Variants in KCNK13 observed in about 807,000 individuals in gnomAD.
The protein encoded by KCNK13 is potassium two pore domain channel subfamily K member 13, also known as potassium channel subfamily K member 13.
A neutral mutation model predicts 23.4 loss-of-function variants in KCNK13; 12 were observed. The observed-to-expected ratio is 0.51, with a 90% CI of 0.33 to 0.83. KCNK13 has a LOEUF of 0.83. Ranked by LOEUF, KCNK13 falls within the 40% of genes least tolerant of loss-of-function variation. KCNK13 has a pLI of 0.02. For missense variants in KCNK13, 463 were observed against 556.3 expected (o/e 0.83, Z 1.69); for synonymous variants, 231 against 229.5 (o/e 1.01, Z -0.06).
chr14:90,107,171 C>T (rs937073247), intron 1 of KCNK13, among the ~76,000 whole-genome samples: 2 of 151,990 alleles, frequency 1.3e-5, no homozygotes, highest in African/African-American at 2.4e-5. Context: ...AGATGGTGCA[C>T]ATTTGGTTAC....
chr14:90,174,826 C>T (rs535795512), intron 1 of KCNK13, among the ~76,000 whole-genome samples: 127 of 151,892 alleles, frequency 8.4e-4, no homozygotes, highest in African/African-American at 3.0e-3. Context: ...TGCACTCCAG[C>T]CTGGGTGACA....
intron 1 of KCNK13, among the ~76,000 whole-genome samples, chr14:90,112,346 T>C (rs965296651): frequency 2.0e-5 from 3 of 152,232 alleles, no homozygotes; most frequent in Non-Finnish European, 4.4e-5. Flanking sequence ...TGCTGGTTCA[T>C]GTGTGAACAC....
chr14:90,076,495 G>A (rs781643216), intron 1 of KCNK13, among the ~76,000 whole-genome samples: 8 of 152,190 alleles, frequency 5.3e-5, no homozygotes, highest in Non-Finnish European at 8.8e-5. Context: ...ACTCATTGGC[G>A]TGAACCATGT....
chr14:90,121,005 A>G (rs1889733044), intron 1 of KCNK13, among the ~76,000 whole-genome samples: 1 of 152,062 alleles, frequency 6.6e-6, no homozygotes, highest in African/African-American at 2.4e-5. Context: ...GCAGTTGTTG[A>G]GGGAGAGATG....
chr14:90,079,214 T>C (rs1044093026), intron 1 of KCNK13, among the ~76,000 whole-genome samples: 1 of 152,100 alleles, frequency 6.6e-6, no homozygotes, highest in East Asian at 1.9e-4. Flanking sequence ...CCTTCCCTTT[T>C]GAGGCACTGT....
At chr14:90,125,081 G>A (rs1241907404) in intron 1 of KCNK13, among the ~76,000 whole-genome samples, 1 of 152,076 alleles carries the variant, frequency 6.6e-6, no homozygotes, top group African/African-American at 2.4e-5. Context: ...GGAAGGAAAA[G>A]GGACGTTTTT....
intron 1 of KCNK13, among the ~76,000 whole-genome samples, chr14:90,099,807 G>A (rs1307996769): frequency 6.6e-6 from 1 of 152,164 alleles, no homozygotes; most frequent in Non-Finnish European, 1.5e-5. Context: ...TGCTCAAGGG[G>A]GAGGGTCCCA....
At chr14:90,073,340 G>A (rs370850862) in intron 1 of KCNK13, among the ~76,000 whole-genome samples, 5 of 152,256 alleles carry the variant, frequency 3.3e-5, no homozygotes, top group Non-Finnish European at 5.9e-5. Flanking sequence ...GCCTCCCACC[G>A]GCAGTCCTCT....
At chr14:90,110,382 G>A (rs1889600909) in intron 1 of KCNK13, among the ~76,000 whole-genome samples, 1 of 151,734 alleles carries the variant, frequency 6.6e-6, no homozygotes, top group Non-Finnish European at 1.5e-5. Flanking sequence ...CGTGGTGGCA[G>A]GCACCTGTAA....
chr14:90,158,966 G>C (rs917380771), intron 1 of KCNK13, among the ~76,000 whole-genome samples: 1 of 152,180 alleles, frequency 6.6e-6, no homozygotes, highest in African/African-American at 2.4e-5. Flanking sequence ...CCATCATACT[G>C]TCTTAGTCCG....
intron 1 of KCNK13, among the ~76,000 whole-genome samples, chr14:90,084,653 C>T (rs4900020): frequency 0.14 from 20,742 of 152,174 alleles, 1,714 homozygotes; most frequent in South Asian, 0.26. Flanking sequence ...GACTAGAACT[C>T]CCACTGCAAT....
chr14:90,153,724 A>G (rs1327927325), intron 1 of KCNK13, among the ~76,000 whole-genome samples: 1 of 152,250 alleles, frequency 6.6e-6, no homozygotes, highest in Non-Finnish European at 1.5e-5. Context: ...TCATGAGAAG[A>G]AACATGGGCT....
chr14:90,117,849 C>G (rs1889694850), intron 1 of KCNK13, among the ~76,000 whole-genome samples: 1 of 152,174 alleles, frequency 6.6e-6, no homozygotes, highest in Non-Finnish European at 1.5e-5. Context: ...TTCCCTTCCG[C>G]CCCTGGCAAC....
chr14:90,148,384 C>T (rs1890097737), intron 1 of KCNK13, among the ~76,000 whole-genome samples: 1 of 152,218 alleles, frequency 6.6e-6, no homozygotes, highest in Non-Finnish European at 1.5e-5. Flanking sequence ...CCTTCAAGGG[C>T]CTTACTGGCC....
At position 90,113,636 on chromosome 14, in the gene KCNK13, G is replaced by T. The variant is rs369394396; in HGVS notation, c.334+51097G>T. On this transcript the variant is annotated intron_variant, in intron 1 of 1. Coordinates refer to ENST00000282146, the MANE Select transcript of KCNK13 (RefSeq NM_022054.4). ...ATGGTAATGTAAGATCTTAATATTA[G>T]AAGAAACTGAGAGAGGCCGGGCACG... 5.9e-5 allele frequency among the ~76,000 whole-genome samples: 9 copies of T among 152,252 alleles called. No homozygotes were observed. In the East Asian group the frequency reaches 1.5e-3, roughly 26 times the overall value.
chr14:90,088,797 A>G (rs1308997692), intron 1 of KCNK13, among the ~76,000 whole-genome samples: 1 of 152,158 alleles, frequency 6.6e-6, no homozygotes, highest in East Asian at 1.9e-4. Flanking sequence ...AGGTTATTGA[A>G]TTATGGGGTT....
intron 1 of KCNK13, among the ~76,000 whole-genome samples, chr14:90,116,678 G>GC (rs1454448070): frequency 6.6e-6 from 1 of 152,120 alleles, no homozygotes; most frequent in Non-Finnish European, 1.5e-5. Flanking sequence ...GGTTCCCCTT[G>GC]CCCCACAATT....
At chr14:90,162,092 A>G (rs1477305053) in intron 1 of KCNK13, among the ~76,000 whole-genome samples, 2 of 152,190 alleles carry the variant, frequency 1.3e-5, no homozygotes, top group Admixed American at 6.5e-5. Flanking sequence ...AGGTGGGAGA[A>G]TCACTTGAGC....
intron 1 of KCNK13, among the ~76,000 whole-genome samples, chr14:90,096,740 G>C (rs1206719224): frequency 1.3e-5 from 2 of 152,190 alleles, no homozygotes; most frequent in East Asian, 3.9e-4. Flanking sequence ...TGGAGAATCA[G>C]CAAGAATTGG....
Sources: allele counts gnomAD v4.1 joint callset (sites outside exome capture counted in the v4.1 genomes callset), GRCh38; gene constraint gnomAD v4.1.1; transcripts MANE v1.5; gene names NCBI Gene and HGNC (gene_info 2026-07-23, HGNC 2026-07-21).